Variants in TRIM71 observed in about 807,000 individuals in gnomAD.
The protein encoded by TRIM71 is E3 ubiquitin-protein ligase TRIM71.
Under a neutral mutation model 61.2 loss-of-function variants are expected in TRIM71, and 9 were observed. The ratio of observed to expected loss-of-function variants is 0.15; its 90% CI spans 0.09 to 0.26. The LOEUF (loss-of-function observed/expected upper bound fraction) is 0.26. TRIM71 is among the 10% of genes least tolerant of loss of function. TRIM71 has a pLI of 1.00. For synonymous variants in TRIM71, 645 were observed against 553.2 expected, an observed-to-expected ratio of 1.17 and a Z score of -2.33; for missense variants, 998 against 1,238.7, an observed-to-expected ratio of 0.81 and a Z score of 2.92.
At position 32,818,011 on chromosome 3, in the gene TRIM71, C is replaced by G. The variant is rs1696074758; in HGVS notation, c.-70C>G. On this transcript the variant is annotated 5_prime_UTR_variant, in exon 1 of 4. Coordinates refer to ENST00000383763, the MANE Select transcript of TRIM71 (RefSeq NM_001039111.3). Reference sequence around the variant, plus strand: ...GTGAGTCGGTGACTCCCCCACCCACCTCGTCCGCTCTCTCCTCCTCCTCCT... The same window carrying G: ...GTGAGTCGGTGACTCCCCCACCCACGTCGTCCGCTCTCTCCTCCTCCTCCT... 3.4e-6 allele frequency: 5 copies of G among 1,466,896 alleles called. No individual in the cohort carries two copies. Among genetic ancestry groups the G allele is most frequent in the Non-Finnish European group, 4.7e-6 (5 of 1,061,864 alleles). The allele number at this position is 1,466,896 out of a possible 1,614,324, so 90.9% of individuals were successfully genotyped here.
At chr3:32,881,311 G>A (rs981347650) in intron 2 of TRIM71, among the ~76,000 whole-genome samples, 6 of 152,104 alleles carry the variant, frequency 3.9e-5, no homozygotes, top group Non-Finnish European at 8.8e-5. Context: ...GAGCCACTGC[G>A]CCTGGCCAAA....
At chr3:32,826,947 G>T (rs1241867880) in intron 1 of TRIM71, among the ~76,000 whole-genome samples, 1 of 151,366 alleles carries the variant, frequency 6.6e-6, no homozygotes, top group Admixed American at 6.6e-5. Context: ...TGTATTTTTA[G>T]TAGAGACGGG....
rs1247167704 is a variant in TRIM71 at position 32,874,324 on chromosome 3, T to TTATTATTACTAC, written c.1020+341_1020+342insTTATTACTACTA. Among the ~76,000 whole-genome samples, 29 of 121,568 alleles carry TTATTATTACTAC rather than the reference T, an allele frequency of 2.4e-4. 1 individual carries two copies. The East Asian group carries it at 2.8e-3, about 12-fold the overall frequency. The allele number at this position is 121,568 out of a possible 152,430, so 79.8% of individuals were successfully genotyped here. A position where few individuals can be genotyped will look rare whatever the true frequency, so the allele number is the denominator to read the frequency against. ...AGAAAGGCTGGGTGCTTAATGCTTATTACTACTACTACTACTACTACTACT... is the reference window on the plus strand; with the variant it reads ...AGAAAGGCTGGGTGCTTAATGCTTATTATTATTACTACTACTACTACTACTACTACTACTACT... On this transcript the variant is annotated intron_variant, in intron 2 of 3. Coordinates refer to ENST00000383763, the MANE Select transcript of TRIM71 (RefSeq NM_001039111.3).
chr3:32,825,585 T>G (rs1278505905), intron 1 of TRIM71, among the ~76,000 whole-genome samples: 2 of 152,160 alleles, frequency 1.3e-5, no homozygotes, highest in Non-Finnish European at 2.9e-5. Flanking sequence ...TGCAGGCAGT[T>G]TCAAAATACT....
intron 2 of TRIM71, among the ~76,000 whole-genome samples, chr3:32,879,863 A>G (rs889976708): frequency 1.3e-5 from 2 of 151,528 alleles, no homozygotes; most frequent in Admixed American, 6.6e-5. Context: ...AGTCCCAGCT[A>G]CTCGGGAGGA....
At chr3:32,835,163 A>G (rs1696320905) in intron 1 of TRIM71, among the ~76,000 whole-genome samples, 1 of 152,196 alleles carries the variant, frequency 6.6e-6, no homozygotes, top group South Asian at 2.1e-4. Flanking sequence ...GTTGAGTTTC[A>G]GGCTCTGCTG....
intron 1 of TRIM71, among the ~76,000 whole-genome samples, chr3:32,831,253 TTTAAGTCCTAGTGTTGCCC>T (rs1696267335): frequency 6.6e-6 from 1 of 152,118 alleles, no homozygotes; most frequent in African/African-American, 2.4e-5. Context: ...AACAACTGGA[TTTAAGTCCTAGTGTTGCCC>T]TATGTGACCT....
intron 1 of TRIM71, among the ~76,000 whole-genome samples, chr3:32,862,700 T>C (rs1696684606): frequency 6.6e-6 from 1 of 152,226 alleles, no homozygotes; most frequent in South Asian, 2.1e-4. Flanking sequence ...ATAATTTACA[T>C]GGGCAGTGAT....
At chr3:32,841,559 G>A (rs1384957110) in intron 1 of TRIM71, among the ~76,000 whole-genome samples, 1 of 151,806 alleles carries the variant, frequency 6.6e-6, no homozygotes, top group Non-Finnish European at 1.5e-5. Flanking sequence ...AGTGAAGCAA[G>A]ATTACGCCAC....
intron 2 of TRIM71, among the ~76,000 whole-genome samples, chr3:32,881,727 T>A (rs1208345881): frequency 1.3e-5 from 2 of 152,228 alleles, no homozygotes; most frequent in African/African-American, 4.8e-5. Flanking sequence ...CCTTTCTACA[T>A]TGTCATTTCC....
rs1317499019 is a variant in TRIM71, at chr3:32,818,503, G to C, written c.423G>C (p.Ala141=). 1.4e-6 allele frequency: 2 copies of C among 1,419,788 alleles called. No individual in the cohort carries two copies. Among genetic ancestry groups the C allele is most frequent in the Admixed American group, 2.9e-5 (1 of 33,940 alleles). 87.9% of individuals were successfully genotyped at this position (1,419,788 alleles called of 1,614,324 possible). ...PPKNGRAGAP[A]GAGGHSNHRH... is the part of the protein sequence containing the mutation. ...AGAACGGGCGCGCCGGCGCTCCGGC[G>C]GGAGCGGGCGGCCACAGCAACCACC... Residue 141 remains alanine, a synonymous_variant, in exon 1 of 4, where the codon GCG becomes GCC. Transcript: ENST00000383763.
rs1286002644 is a variant in TRIM71 at position 32,890,223 on chromosome 3, G to A, written c.1156-137G>A. The A allele has an allele frequency of 9.0e-6, 11 of 1,226,344 alleles. No homozygotes were observed. Among genetic ancestry groups the A allele is most frequent in the Non-Finnish European group, 1.2e-5 (11 of 885,434 alleles). 76.0% of individuals were successfully genotyped at this position (1,226,344 alleles called of 1,614,324 possible). On this transcript the variant is annotated intron_variant, in intron 3 of 3. Coordinates refer to ENST00000383763, the MANE Select transcript of TRIM71 (RefSeq NM_001039111.3). The surrounding 1 kb of genome is among the most constrained non-coding windows in gnomAD (Gnocchi z 6.2). ...TTTGATTTTGCTGCTTTTGAAGAAA[G>A]ACAGATGTCTTTTGTAGACCATCCC...
intron 1 of TRIM71, among the ~76,000 whole-genome samples, chr3:32,847,422 C>T (rs1384104422): frequency 6.6e-6 from 1 of 152,032 alleles, no homozygotes; most frequent in Non-Finnish European, 1.5e-5. Context: ...CTCAAACTCC[C>T]GACTTCAGGT....
At chr3:32,833,677 T>TA (rs879561791) in intron 1 of TRIM71, among the ~76,000 whole-genome samples, 12 of 151,660 alleles carry the variant, frequency 7.9e-5, no homozygotes, top group South Asian at 2.1e-4. Flanking sequence ...TTTATTTATT[T>TA]TATTTTTGGC....
chr3:32,856,733 A>G (rs1417645693), intron 1 of TRIM71, among the ~76,000 whole-genome samples: 1 of 152,224 alleles, frequency 6.6e-6, no homozygotes, highest in Non-Finnish European at 1.5e-5. Context: ...AGTAACCTGG[A>G]GAACCCGGGG....
At chr3:32,888,842 G>C (rs1000416183) in intron 3 of TRIM71, among the ~76,000 whole-genome samples, 1 of 152,176 alleles carries the variant, frequency 6.6e-6, no homozygotes, top group Non-Finnish European at 1.5e-5. Context: ...AATTCTTTAA[G>C]AATATGAATC....
At chr3:32,832,772 A>C (rs1559538404) in intron 1 of TRIM71, among the ~76,000 whole-genome samples, 1 of 152,170 alleles carries the variant, frequency 6.6e-6, no homozygotes, top group South Asian at 2.1e-4. Context: ...GGAAGAGATA[A>C]GGGTACCCTC....
intron 1 of TRIM71, among the ~76,000 whole-genome samples, chr3:32,832,445 G>A (rs986618198): frequency 3.3e-5 from 5 of 152,198 alleles, no homozygotes; most frequent in Admixed American, 6.5e-5. Flanking sequence ...TTCAGCCTGG[G>A]CAACAGAGTG....
chr3:32,822,496 T>C (rs1162709548), intron 1 of TRIM71, among the ~76,000 whole-genome samples: 1 of 152,192 alleles, frequency 6.6e-6, no homozygotes, highest in Admixed American at 6.5e-5. Context: ...GGAGGTTTGC[T>C]GCCTAAAATA....
Sources: gnomAD v4.1 joint callset for allele counts (sites outside exome capture counted in the v4.1 genomes callset) on GRCh38, gnomAD v4.1.1 for gene constraint, Gnocchi (gnomAD v3.1) non-coding constraint, MANE v1.5 for transcripts, NCBI Gene and HGNC (gene_info 2026-07-23, HGNC 2026-07-21) for gene names.